The following CDH12 variants were observed in gnomAD, a reference collection of about 807,000 sequenced individuals.
CDH12 encodes cadherin-12.
In CDH12, 41 loss-of-function variants were observed where a neutral mutation model predicts 74.1. That is an observed-to-expected ratio of 0.55 (90% CI 0.43 to 0.72). The LOEUF is 0.72. Ranked by LOEUF, CDH12 falls within the 30% of genes least tolerant of loss-of-function variation. The pLI is 0.00. For missense variants in CDH12, 945 were observed against 977.2 expected (o/e 0.97, Z 0.44); for synonymous variants, 399 against 355.0 (o/e 1.12, Z -1.39).
chr5:22,251,087 G>T (rs1215131996), intron 3 of CDH12, among the ~76,000 whole-genome samples: 1 of 152,210 alleles, frequency 6.6e-6, no homozygotes, highest in Non-Finnish European at 1.5e-5. Flanking sequence ...AGAAGATAGT[G>T]ACTCAAGGGA....
chr5:22,624,442 G>T (rs1051358967), intron 1 of CDH12, among the ~76,000 whole-genome samples: 3 of 151,994 alleles, frequency 2.0e-5, no homozygotes, highest in Non-Finnish European at 4.4e-5. Flanking sequence ...AATCTACAAA[G>T]AACTCAAACA....
chr5:22,414,830 T>G (rs1424409129), intron 2 of CDH12, among the ~76,000 whole-genome samples: 1 of 151,800 alleles, frequency 6.6e-6, no homozygotes, highest in Non-Finnish European at 1.5e-5. Flanking sequence ...AACAAAAAAG[T>G]GAAAAAAAGC....
At chr5:21,953,151 CTTCATCTACTTAAT>C (rs1409349790) in intron 6 of CDH12, among the ~76,000 whole-genome samples, 1 of 151,792 alleles carries the variant, frequency 6.6e-6, no homozygotes, top group Non-Finnish European at 1.5e-5. Flanking sequence ...ACCTATGAGG[CTTCATCTACTTAAT>C]AAGATCCTTG....
In CDH12 at chr5:21,975,238, G is replaced by C. The variant is rs375209667; in HGVS notation, c.379C>G (p.Leu127Val). ...LDREEKPFYT[L>V]RAQAVDIETR... ...TCTATGTCCACAGCCTGAGCACGAA[G>C]AGTGTAGAAAGGTTTCTCTTCTCTA... Residue 127 changes from leucine to valine, a missense_variant, in exon 6 of 15, where the codon CTT becomes GTT. Physicochemically the swap from Leu to Val is conservative, Grantham distance 32. Coordinates refer to ENST00000382254, the MANE Select transcript of CDH12 (RefSeq NM_004061.5). The C allele has an allele frequency of 3.8e-6, 6 of 1,597,222 alleles. No homozygotes were observed. Among genetic ancestry groups the C allele is most frequent in the Non-Finnish European group, 5.1e-6 (6 of 1,179,668 alleles).
intron 1 of CDH12, among the ~76,000 whole-genome samples, chr5:22,558,891 T>C (rs1738920319): frequency 6.6e-6 from 1 of 151,968 alleles, no homozygotes; most frequent in African/African-American, 2.4e-5. Flanking sequence ...CATAGGAAAT[T>C]AACAGAGAAG....
At chr5:21,904,034 T>A (rs1413909546) in intron 6 of CDH12, among the ~76,000 whole-genome samples, 1 of 152,204 alleles carries the variant, frequency 6.6e-6, no homozygotes, top group Non-Finnish European at 1.5e-5. Context: ...TATTCAAGAC[T>A]GATAATTTCC....
chr5:22,754,443 G>A (rs533800386), intron 1 of CDH12, among the ~76,000 whole-genome samples: 1 of 152,140 alleles, frequency 6.6e-6, no homozygotes, highest in East Asian at 1.9e-4. Context: ...CAGATGGTGG[G>A]AAGAACAGGG....
intron 4 of CDH12, among the ~76,000 whole-genome samples, chr5:22,093,513 GT>G (rs2150240858): frequency 6.6e-6 from 1 of 152,252 alleles, no homozygotes; most frequent in African/African-American, 2.4e-5. Flanking sequence ...AAAGAAGTCA[GT>G]TATAAAAGAT....
rs562564353 is a variant in CDH12 at position 22,451,279 on chromosome 5, T to G, written c.-427-45928A>C. Among the ~76,000 whole-genome samples the G allele has an allele frequency of 6.6e-5, 10 of 152,060 alleles. No homozygotes were observed. The East Asian group carries it at 1.9e-3, about 29-fold the overall frequency. ...GATAAATGATTTAATAAAATTTAAA[T>G]TTTAAGTTCTATCTAATTAAAACAA... On this transcript the variant is annotated intron_variant, in intron 2 of 14. Transcript: ENST00000382254.
At chr5:22,668,818 G>A (rs945385121) in intron 1 of CDH12, among the ~76,000 whole-genome samples, 7 of 151,876 alleles carry the variant, frequency 4.6e-5, no homozygotes, top group Non-Finnish European at 1.0e-4. Flanking sequence ...TTTTTCTATT[G>A]GTCATCTCAG....
At chr5:21,830,326 G>T (rs1748944879) in intron 8 of CDH12, among the ~76,000 whole-genome samples, 1 of 148,730 alleles carries the variant, frequency 6.7e-6, no homozygotes, top group Non-Finnish European at 1.5e-5. Context: ...ACGTTGAAAA[G>T]AGAAAGAGAG....
rs182650700 is a variant in CDH12 at position 22,173,877 on chromosome 5, C to T, written c.-187+38621G>A. On this transcript the variant is annotated intron_variant, in intron 4 of 14. Transcript: ENST00000382254. ...TCCTAGTCTAGAAAAAATAGTTGAG[C>T]CTGTAAAAGCTGATATGCCACATGC... is the stretch of plus-strand genomic sequence containing the variant. Among the ~76,000 whole-genome samples, 879 of 151,818 alleles carry T rather than the reference C, an allele frequency of 5.8e-3. 13 individuals carry two copies. The highest frequency in any genetic ancestry group is 0.02 in the African/African-American group (836 of 41,450).
chr5:22,251,793 A>G (rs1753144590), intron 3 of CDH12, among the ~76,000 whole-genome samples: 1 of 152,108 alleles, frequency 6.6e-6, no homozygotes, highest in Non-Finnish European at 1.5e-5. Context: ...TGTCATCTCT[A>G]CCCTTTGGGA....
At chr5:22,805,067 T>C (rs909199829) in intron 1 of CDH12, among the ~76,000 whole-genome samples, 1 of 152,214 alleles carries the variant, frequency 6.6e-6, no homozygotes, top group African/African-American at 2.4e-5. Context: ...ATAATGATTT[T>C]GGAAAACAAT....
At chr5:22,695,292 C>T (rs1444981250) in intron 1 of CDH12, among the ~76,000 whole-genome samples, 1 of 152,100 alleles carries the variant, frequency 6.6e-6, no homozygotes, top group African/African-American at 2.4e-5. Context: ...GTAAATAGTG[C>T]TACAATAAAC....
chr5:22,758,526 T>C (rs923421872), intron 1 of CDH12, among the ~76,000 whole-genome samples: 6 of 151,388 alleles, frequency 4.0e-5, no homozygotes, highest in African/African-American at 1.2e-4. Flanking sequence ...TAACATCCAT[T>C]TGATTTATAG....
At position 21,833,260 on chromosome 5, in the gene CDH12, C is replaced by T. The variant is rs913174978; in HGVS notation, c.814+8901G>A. Among the ~76,000 whole-genome samples, 3 of 25,520 alleles carry T rather than the reference C, an allele frequency of 1.2e-4. 1 individual carries two copies. The Admixed American group carries it at 2.2e-3, about 18-fold the overall frequency. The allele number at this position is 25,520 out of a possible 152,430, so 16.7% of individuals were successfully genotyped here. On this transcript the variant is annotated intron_variant, in intron 8 of 14. Coordinates refer to ENST00000382254, the MANE Select transcript of CDH12 (RefSeq NM_004061.5). ...ATAATATATATTATATATTATATAA[C>T]ATATAATATATATTATATGTTATAT...
chr5:22,242,740 C>T (rs1015694747), intron 3 of CDH12, among the ~76,000 whole-genome samples: 1 of 152,150 alleles, frequency 6.6e-6, no homozygotes, highest in Non-Finnish European at 1.5e-5. Flanking sequence ...TCCCGCTCCT[C>T]TTGGATCCAT....
At chr5:21,752,606 T>C (rs533235492) in intron 14 of CDH12, among the ~76,000 whole-genome samples, 15 of 152,324 alleles carry the variant, frequency 9.8e-5, no homozygotes, top group African/African-American at 2.9e-4. Flanking sequence ...AAGACTACCA[T>C]TCATTGCTAA....
Sources: allele counts gnomAD v4.1 joint callset (sites outside exome capture counted in the v4.1 genomes callset), GRCh38; gene constraint gnomAD v4.1.1; transcripts MANE v1.5; gene names NCBI Gene and HGNC (gene_info 2026-07-23, HGNC 2026-07-21).